TNRC6A: variants seen among roughly 807,000 people sequenced by gnomAD.
TNRC6A encodes the protein trinucleotide repeat containing adaptor 6A.
A neutral mutation model predicts 221.2 loss-of-function variants in TNRC6A; 44 were observed. The ratio of observed to expected loss-of-function variants is 0.20; its 90% CI spans 0.16 to 0.26. The LOEUF (loss-of-function observed/expected upper bound fraction) is 0.26. TNRC6A is among the 10% of genes least tolerant of loss of function. TNRC6A has a pLI of 1.00. For synonymous variants in TNRC6A, 847 were observed against 838.5 expected (o/e 1.01, Z -0.18); for missense variants, 2,199 against 2,404.4 (o/e 0.91, Z 1.79).
In TNRC6A at chr16:24,708,549, G is replaced by A. The variant is rs548995622; in HGVS notation, n.403-42177G>A. 1.0e-3 allele frequency among the ~76,000 whole-genome samples: 153 copies of A among 152,126 alleles called. 4 individuals carry two copies. The South Asian group carries it at 0.031, about 31-fold the overall frequency. On this transcript the variant is annotated intron_variant and non_coding_transcript_variant, in intron 2 of 2. Transcript: ENST00000566108. ...AGCCACCGCCCCCAGCCATGGATGA[G>A]TTCTTTAGTGGTGAATTCTGAGACT... is the stretch of plus-strand genomic sequence containing the variant.
intron 2 of TNRC6A, among the ~76,000 whole-genome samples, chr16:24,735,649 T>C (rs2056748811): frequency 6.6e-6 from 1 of 152,222 alleles, no homozygotes; most frequent in South Asian, 2.1e-4. Flanking sequence ...AATTTGAATA[T>C]AAACATCAAA....
chr16:24,702,407 G>A (rs1410283995), intron 2 of TNRC6A, among the ~76,000 whole-genome samples: 2 of 151,282 alleles, frequency 1.3e-5, no homozygotes, highest in Non-Finnish European at 2.9e-5. Flanking sequence ...TGAACTCCTG[G>A]GCTAAAACAA....
chr16:24,790,312 G>A lies in TNRC6A; in HGVS notation c.1670G>A (p.Gly557Asp). ...ACTCTAATGCAGCCTGGCGTAAATG[G>A]TCCTATGGGCACTAACTTTCAAGTT... ...NATLMQPGVNGPMGTNFQVNT... is the reference protein window; with the variant it reads ...NATLMQPGVNDPMGTNFQVNT... Residue 557 changes from glycine to aspartate, a missense_variant, in exon 6 of 25, where the codon GGT becomes GAT. This residue lies in a region of TNRC6A where 1,405 missense variants were observed against 1,400.2 expected (regional missense o/e 1.00). Transcript: ENST00000395799. 6.2e-7 allele frequency: 1 copy of A among 1,614,240 alleles called. No individual in the cohort carries two copies. Among genetic ancestry groups the A allele is most frequent in the Non-Finnish European group, 8.5e-7 (1 of 1,180,052 alleles).
chr16:24,791,843 G>C (rs1244514420), intron 6 of TNRC6A, 26 bp downstream of exon 6: 2 of 1,481,100 alleles, frequency 1.4e-6, no homozygotes, highest in Non-Finnish European at 1.8e-6. Context: ...ATGAAATCAA[G>C]CCTTGTTTTA....
At chr16:24,695,678 G>T (rs536211333) in intron 2 of TNRC6A, among the ~76,000 whole-genome samples, 1 of 152,074 alleles carries the variant, frequency 6.6e-6, no homozygotes, top group African/African-American at 2.4e-5. Context: ...GATTACAGGC[G>T]TGAGCCACCC....
intron 1 of TNRC6A, among the ~76,000 whole-genome samples, chr16:24,632,375 A>G (rs1199645249): frequency 6.6e-6 from 1 of 152,186 alleles, no homozygotes; most frequent in Non-Finnish European, 1.5e-5. Flanking sequence ...ACCACCGTCC[A>G]CCTAGTTCTT....
chr16:24,673,853 C>T (rs756335656), intron 2 of TNRC6A, among the ~76,000 whole-genome samples: 3 of 152,178 alleles, frequency 2.0e-5, no homozygotes, highest in African/African-American at 4.8e-5. Context: ...CCACCATGTC[C>T]GGCCTCAAGA....
chr16:24,699,618 C>G (rs1035526500), intron 2 of TNRC6A, among the ~76,000 whole-genome samples: 1 of 151,252 alleles, frequency 6.6e-6, no homozygotes, highest in African/African-American at 2.4e-5. Context: ...ACTTGGGAGG[C>G]TGAGGTGGGA....
Position 24,777,288 on chromosome 16 carries a change from A to C in TNRC6A, c.519A>C (p.Ser173=). 1 of 1,614,222 alleles carries C rather than the reference A, an allele frequency of 6.2e-7. No individual in the cohort carries two copies. Among genetic ancestry groups the C allele is most frequent in the Non-Finnish European group, 8.5e-7 (1 of 1,180,044 alleles). ...GSAVKVLNSQ[S]ESSALTNQQP... Reference sequence around the variant, plus strand: ...CTGTTAAGGTGTTAAACAGCCAGTCAGAAAGCAGTGCTTTAACAAATCAAC... The same window carrying C: ...CTGTTAAGGTGTTAAACAGCCAGTCCGAAAGCAGTGCTTTAACAAATCAAC... Residue 173 remains serine, a synonymous_variant, in exon 5 of 25, where the codon TCA becomes TCC. Transcript: ENST00000395799.
intron 3 of TNRC6A, among the ~76,000 whole-genome samples, chr16:24,754,277 G>A (rs953733913): frequency 6.6e-6 from 1 of 152,010 alleles, no homozygotes; most frequent in African/African-American, 2.4e-5. Flanking sequence ...CGTTTTGATA[G>A]TTTTTATTAT....
chr16:24,699,846 G>T (rs1430882401), intron 2 of TNRC6A, among the ~76,000 whole-genome samples: 1 of 152,084 alleles, frequency 6.6e-6, no homozygotes. Context: ...GGACTTGAGG[G>T]GTAAGAATTA....
intron 2 of TNRC6A, among the ~76,000 whole-genome samples, chr16:24,668,546 C>T (rs1195144028): frequency 6.6e-6 from 1 of 152,154 alleles, no homozygotes; most frequent in African/African-American, 2.4e-5. Context: ...CAGTCTGAAA[C>T]TGGCATCACG....
At chr16:24,659,210 A>T (rs2054978256) in intron 2 of TNRC6A, among the ~76,000 whole-genome samples, 1 of 152,170 alleles carries the variant, frequency 6.6e-6, no homozygotes, top group African/African-American at 2.4e-5. Flanking sequence ...TTGAGTGAAT[A>T]CTAAACTCAC....
intron 2 of TNRC6A, among the ~76,000 whole-genome samples, chr16:24,733,798 G>A (rs907891138): frequency 6.6e-6 from 1 of 152,310 alleles, no homozygotes; most frequent in Non-Finnish European, 1.5e-5. Context: ...TCTGGTCTGG[G>A]ATTACTAACC....
chr16:24,817,867 A>G (rs954007565), intron 20 of TNRC6A, among the ~76,000 whole-genome samples: 1 of 152,246 alleles, frequency 6.6e-6, no homozygotes, highest in African/African-American at 2.4e-5. Context: ...ATAAATTCTC[A>G]TGGCGTGGGA....
intron 2 of TNRC6A, among the ~76,000 whole-genome samples, chr16:24,654,361 T>C (rs1902835167): frequency 6.6e-6 from 1 of 152,210 alleles, no homozygotes; most frequent in Non-Finnish European, 1.5e-5. Flanking sequence ...GCTCAACACC[T>C]TGATATAGCT....
chr16:24,815,036 G>GC (rs2058627052), intron 18 of TNRC6A, 111 bp from the exon 19 acceptor site: 2 of 1,220,652 alleles, frequency 1.6e-6, no homozygotes, highest in Non-Finnish European at 2.3e-6. Flanking sequence ...AGAGAACACA[G>GC]CCTAGAGCCC....
At chr16:24,657,317 C>CAA (rs56241898) in intron 2 of TNRC6A, among the ~76,000 whole-genome samples, 86 of 88,082 alleles carry the variant, frequency 9.8e-4, no homozygotes, top group African/African-American at 1.5e-3. Context: ...GACCCTATCT[C>CAA]AAAAAAAAAA....
chr16:24,818,554 C>T (rs1216798314), intron 20 of TNRC6A, 39 bp from the exon 21 acceptor site: 2 of 1,542,046 alleles, frequency 1.3e-6, no homozygotes, highest in African/African-American at 1.4e-5. Context: ...CCTCCACGTC[C>T]CTTGCTCTGG....
Sources: gnomAD v4.1 joint callset for allele counts (sites outside exome capture counted in the v4.1 genomes callset) on GRCh38, gnomAD v4.1.1 for gene constraint, gnomAD v4.1.1 regional missense constraint, MANE v1.5 for transcripts, NCBI Gene and HGNC (gene_info 2026-07-23, HGNC 2026-07-21) for gene names.